The following ATG7 variants were observed in gnomAD, a reference collection of about 807,000 sequenced individuals.
ATG7 encodes the protein ubiquitin-like modifier-activating enzyme ATG7.
Under a neutral mutation model 82.4 loss-of-function variants are expected in ATG7, and 70 were observed. That is an observed-to-expected ratio of 0.85 (90% CI 0.70 to 1.04). The LOEUF is 1.04. Ranked by LOEUF, ATG7 falls within the 50% of genes least tolerant of loss-of-function variation. ATG7 has a pLI of 0.00. For missense variants in ATG7, 792 were observed against 864.3 expected (o/e 0.92, Z 1.05); for synonymous variants, 287 against 313.0 (o/e 0.92, Z 0.88).
intron 20 of ATG7, among the ~76,000 whole-genome samples, chr3:11,451,804 TTA>T (rs1242470058): frequency 2.3e-3 from 4 of 1,722 alleles, no homozygotes; most frequent in East Asian, 9.1e-3. Flanking sequence ...AAAAAACAAA[TTA>T]AAAAAACCCC....
chr3:11,335,663 C>T (rs1202859813), intron 11 of ATG7, among the ~76,000 whole-genome samples: 7 of 152,164 alleles, frequency 4.6e-5, no homozygotes, highest in Non-Finnish European at 5.9e-5. Flanking sequence ...ACATCCTACT[C>T]TCTATGATAA....
At chr3:11,470,899 T>C (rs942942422) in intron 20 of ATG7, among the ~76,000 whole-genome samples, 1 of 147,270 alleles carries the variant, frequency 6.8e-6, no homozygotes, top group Admixed American at 6.6e-5. Flanking sequence ...TCAGTCTTTC[T>C]CCTTTGAGGT....
At chr3:11,274,964 G>A (rs1340601691) in intron 1 of ATG7, among the ~76,000 whole-genome samples, 2 of 151,898 alleles carry the variant, frequency 1.3e-5, no homozygotes, top group Non-Finnish European at 1.5e-5. Context: ...GCAGCAATGT[G>A]GTGATTACAC....
the ATG7 span, among the ~76,000 whole-genome samples, chr3:11,566,813 C>T: frequency 6.6e-6 from 1 of 152,188 alleles, no homozygotes; most frequent in Non-Finnish European, 1.5e-5. Flanking sequence ...CCTCCTCACA[C>T]ACGGCAGCCT....
intron 1 of ATG7, among the ~76,000 whole-genome samples, chr3:11,277,811 G>A (rs1942136673): frequency 1.3e-5 from 2 of 149,866 alleles, no homozygotes; most frequent in South Asian, 2.1e-4. Flanking sequence ...TAAGCTTGAG[G>A]GTACTGCAGG....
intron 11 of ATG7, among the ~76,000 whole-genome samples, chr3:11,333,400 CAT>C (rs1951927979): frequency 6.6e-6 from 1 of 152,064 alleles, no homozygotes; most frequent in Non-Finnish European, 1.5e-5. Context: ...TATTCCTGTC[CAT>C]TCTTAAAGGA....
chr3:11,575,246 T>C, the ATG7 span, among the ~76,000 whole-genome samples: 1 of 152,180 alleles, frequency 6.6e-6, no homozygotes, highest in Non-Finnish European at 1.5e-5. Context: ...CCGCACTGAG[T>C]GCTGTCAGAG....
chr3:11,548,743 G>C lies in ATG7; in HGVS notation c.2080-6068G>C, dbSNP rs375444855. Reference sequence around the variant, plus strand: ...GGGCCACAGTAGTCCAGGTGTGGATGTGCATCAAATGGTTTAGTCAGCTGG... The same window carrying C: ...GGGCCACAGTAGTCCAGGTGTGGATCTGCATCAAATGGTTTAGTCAGCTGG... On this transcript the variant is annotated intron_variant, in intron 20 of 20. Transcript: ENST00000693202. Among the ~76,000 whole-genome samples the C allele has an allele frequency of 1.4e-4, 21 of 152,330 alleles. No homozygotes were observed. In the South Asian group the frequency reaches 4.1e-3, roughly 30 times the overall value.
intron 19 of ATG7, among the ~76,000 whole-genome samples, chr3:11,388,736 CTTTTT>C (rs1187172748): frequency 6.6e-6 from 1 of 151,734 alleles, no homozygotes; most frequent in African/African-American, 2.4e-5. Flanking sequence ...CCCCTTCTTT[CTTTTT>C]TTTATTCATA....
intron 19 of ATG7, among the ~76,000 whole-genome samples, 155 bp downstream of exon 19, chr3:11,380,207 A>G (rs1310598681): frequency 6.6e-6 from 1 of 152,166 alleles, no homozygotes; most frequent in Non-Finnish European, 1.5e-5. Flanking sequence ...GTTTTCATGG[A>G]TCTGTATTCA....
intron 18 of ATG7, among the ~76,000 whole-genome samples, chr3:11,376,270 A>G (rs1341078927): frequency 6.6e-6 from 1 of 152,158 alleles, no homozygotes; most frequent in African/African-American, 2.4e-5. Context: ...TGGTTGCAAA[A>G]CTGTTCATAT....
intron 20 of ATG7, among the ~76,000 whole-genome samples, chr3:11,497,357 C>CTATATATA (rs58838386): frequency 0.062 from 3,531 of 57,076 alleles, 249 homozygotes; most frequent in Non-Finnish European, 0.08. Context: ...ACTAAAAATA[C>CTATATATA]TATATATATA....
intron 19 of ATG7, among the ~76,000 whole-genome samples, chr3:11,396,038 C>T (rs2079238383): frequency 6.7e-6 from 1 of 148,336 alleles, no homozygotes; most frequent in Non-Finnish European, 1.5e-5. Flanking sequence ...CCACCACTAG[C>T]ATGTTTACAC....
chr3:11,475,870 C>CACACACAG lies in ATG7; in HGVS notation c.2079+48951_2079+48952insGACACACA, dbSNP rs1469513977. Among the ~76,000 whole-genome samples, 33 of 137,352 alleles carry CACACACAG rather than the reference C, an allele frequency of 2.4e-4. 1 individual carries two copies. The highest frequency in any genetic ancestry group is 1.8e-3 in the Admixed American group (26 of 14,174). The allele number at this position is 137,352 out of a possible 152,430, so 90.1% of individuals were successfully genotyped here. On this transcript the variant is annotated intron_variant, in intron 20 of 20. Coordinates refer to ENST00000693202, the MANE Select transcript of ATG7 (RefSeq NM_001349232.2). ...TATGTCCATCTCTCTGTCTCTGAGA[C>CACACACAG]ACACACACACACACACACACACACA...
At position 11,358,480 on chromosome 3, in the gene ATG7, C is replaced by T. The variant is rs914889481; in HGVS notation, c.1347C>T (p.Val449=). 6.2e-7 allele frequency: 1 copy of T among 1,614,086 alleles called. No homozygotes were observed. The highest frequency in any genetic ancestry group is 8.5e-7 in the Non-Finnish European group (1 of 1,179,988). The change falls in exon 15 of 21, where the codon GTC becomes GTT. Residue 449 remains valine (V), a synonymous_variant. Transcript: ENST00000693202. ...GGCATCCAGTGAACTTCTCCAGTGTCACTCTGGAGCAAGCCCGCAGAGATG... is the reference window on the plus strand; with the variant it reads ...GGCATCCAGTGAACTTCTCCAGTGTTACTCTGGAGCAAGCCCGCAGAGATG... The part of the protein sequence containing the change: ...MPGHPVNFSS[V]TLEQARRDVE...
At chr3:11,423,590 AC>A (rs1387416735) in intron 19 of ATG7, among the ~76,000 whole-genome samples, 1 of 152,116 alleles carries the variant, frequency 6.6e-6, no homozygotes, top group African/African-American at 2.4e-5. Flanking sequence ...TCTTGTTATT[AC>A]TGAGGAATTG....
chr3:11,453,882 T>A (rs2085442335), intron 20 of ATG7, among the ~76,000 whole-genome samples: 1 of 152,194 alleles, frequency 6.6e-6, no homozygotes, highest in South Asian at 2.1e-4. Context: ...CCTGGTCAGC[T>A]GACTGCTCCA....
In ATG7 at chr3:11,426,824, A is replaced by T; in HGVS notation, c.1977A>T (p.Arg659=). The change falls in exon 20 of 21, where the codon CGA becomes CGT. Residue 659 remains arginine, a synonymous_variant. Transcript: ENST00000693202. The part of the protein sequence containing the change: ...CSSKVLDQYE[R]EGFNFLAKVF... ...TACAGGTTCTTGATCAATATGAACG[A>T]GAAGGATTTAACTTCCTAGCCAAGG... 6.2e-7 allele frequency: 1 copy of T among 1,609,026 alleles called. No individual in the cohort carries two copies. Among genetic ancestry groups the T allele is most frequent in the Non-Finnish European group, 8.5e-7 (1 of 1,178,062 alleles).
At chr3:11,470,876 G>A (rs368070269) in intron 20 of ATG7, among the ~76,000 whole-genome samples, 2 of 151,968 alleles carry the variant, frequency 1.3e-5, no homozygotes, top group Non-Finnish European at 2.9e-5. Context: ...CTTTCTTGCC[G>A]TATTACTCTC....
Sources: allele counts gnomAD v4.1 joint callset (sites outside exome capture counted in the v4.1 genomes callset), GRCh38; gene constraint gnomAD v4.1.1; transcripts MANE v1.5; gene names NCBI Gene and HGNC (gene_info 2026-07-23, HGNC 2026-07-21).